The following SHTN1 variants were observed in gnomAD, a reference collection of about 807,000 sequenced individuals.
SHTN1 encodes shootin 1.
Under a neutral mutation model 83.1 loss-of-function variants are expected in SHTN1, and 42 were observed. The ratio of observed to expected loss-of-function variants is 0.51; its 90% confidence interval spans 0.39 to 0.65. The LOEUF is 0.65. SHTN1 is among the 30% of genes least tolerant of loss of function. The probability of loss-of-function intolerance (pLI) is 0.00; values close to 1 mark genes in which losing one functional copy is unlikely to be tolerated. For missense variants in SHTN1, 622 were observed against 737.8 expected (o/e 0.84, Z 1.82); for synonymous variants, 224 against 247.7 (o/e 0.90, Z 0.90).
At chr10:117,020,499 C>CAAA (rs375685514) in intron 2 of SHTN1, among the ~76,000 whole-genome samples, 8 of 109,414 alleles carry the variant, frequency 7.3e-5, no homozygotes, top group East Asian at 2.8e-4. Flanking sequence ...GACTCCGTCT[C>CAAA]AAAAAAAAAA....
At chr10:117,112,692 C>T (rs147939456) in intron 1 of SHTN1, among the ~76,000 whole-genome samples, 2 of 152,172 alleles carry the variant, frequency 1.3e-5, no homozygotes, top group African/African-American at 2.4e-5. Flanking sequence ...CCAGCCTAGA[C>T]GTATTTCCAC....
At chr10:116,902,893 T>C (rs1847802937) in intron 15 of SHTN1, among the ~76,000 whole-genome samples, 1 of 152,196 alleles carries the variant, frequency 6.6e-6, no homozygotes, top group African/African-American at 2.4e-5. Context: ...AAAGCACTAG[T>C]GGGTATAATC....
chr10:117,093,378 T>C (rs1049556089), intron 1 of SHTN1, among the ~76,000 whole-genome samples: 1 of 151,834 alleles, frequency 6.6e-6, no homozygotes, highest in South Asian at 2.1e-4. Context: ...TTATTATTAA[T>C]AACTTGAAAT....
intron 1 of SHTN1, among the ~76,000 whole-genome samples, chr10:116,994,736 G>A (rs1330422156): frequency 1.3e-5 from 2 of 152,070 alleles, no homozygotes; most frequent in Non-Finnish European, 2.9e-5. Context: ...ACAGTGACCT[G>A]TGATCCTATT....
At position 116,886,256 on chromosome 10, in the gene SHTN1, A is replaced by G. The variant is rs1480329132; in HGVS notation, c.*88T>C. On this transcript the variant is annotated 3_prime_UTR_variant, in exon 17 of 17. Coordinates refer to ENST00000355371, the MANE Select transcript of SHTN1 (RefSeq NM_001127211.3). Reference sequence around the variant, plus strand: ...ATTCTGAATACAGTGACCAGAGCAGAATGTCTACAGCCCTTGCCAATATAA... The same window carrying G: ...ATTCTGAATACAGTGACCAGAGCAGGATGTCTACAGCCCTTGCCAATATAA... The G allele has an allele frequency of 2.0e-6, 3 of 1,520,966 alleles. No individual in the cohort carries two copies. Among genetic ancestry groups the G allele is most frequent in the Non-Finnish European group, 2.7e-6 (3 of 1,125,664 alleles). The allele number at this position is 1,520,966 out of a possible 1,614,324, so 94.2% of individuals were successfully genotyped here.
At chr10:116,888,209 A>G (rs1847223100) in intron 16 of SHTN1, among the ~76,000 whole-genome samples, 1 of 152,140 alleles carries the variant, frequency 6.6e-6, no homozygotes, top group South Asian at 2.1e-4. Flanking sequence ...GCACCATGAC[A>G]TTGTCCATCT....
Position 116,968,689 on chromosome 10 carries a change from T to C in SHTN1, c.135A>G (p.Arg45=). The part of the protein sequence containing the change: ...KEKCDKIRQE[R]DEAVKKLEEF... ...CTTCCAGTTTTTTAACGGCTTCATCTCGTTCTTGCCTAATTTTGTCACACT... is the reference window on the plus strand; with the variant it reads ...CTTCCAGTTTTTTAACGGCTTCATCCCGTTCTTGCCTAATTTTGTCACACT... Residue 45 remains arginine, a synonymous_variant, in exon 3 of 17, where the codon CGA becomes CGG. Transcript: ENST00000355371. The C allele has an allele frequency of 6.2e-7, 1 of 1,612,436 alleles. No homozygotes were observed. Among genetic ancestry groups the C allele is most frequent in the East Asian group, 2.2e-5 (1 of 44,846 alleles).
At chr10:117,090,386 G>A (rs1379671834) in intron 1 of SHTN1, among the ~76,000 whole-genome samples, 4 of 152,122 alleles carry the variant, frequency 2.6e-5, no homozygotes, top group Non-Finnish European at 5.9e-5. Flanking sequence ...GTAGAATTTG[G>A]TCGTCAGGGG....
intron 1 of SHTN1, among the ~76,000 whole-genome samples, chr10:117,096,763 A>C (rs991058002): frequency 6.6e-6 from 1 of 152,202 alleles, no homozygotes; most frequent in African/African-American, 2.4e-5. Context: ...TTGTGTACAA[A>C]GATGTTAATT....
intron 1 of SHTN1, among the ~76,000 whole-genome samples, chr10:116,995,403 G>A (rs1040475354): frequency 3.9e-5 from 6 of 152,120 alleles, no homozygotes; most frequent in Non-Finnish European, 7.4e-5. Context: ...CATGATGAGG[G>A]ACTGTGATTT....
At chr10:116,955,387 C>T (rs1282385088) in intron 4 of SHTN1, among the ~76,000 whole-genome samples, 1 of 152,102 alleles carries the variant, frequency 6.6e-6, no homozygotes, top group Non-Finnish European at 1.5e-5. Context: ...GATTATTTTC[C>T]CTACTATAAA....
At chr10:117,065,539 G>A in intron 1 of SHTN1, among the ~76,000 whole-genome samples, 1 of 150,988 alleles carries the variant, frequency 6.6e-6, no homozygotes, top group South Asian at 2.1e-4. Flanking sequence ...CCAACATGGT[G>A]AAACCCCCTC....
chr10:117,047,824 C>G (rs766950909), intron 2 of SHTN1, among the ~76,000 whole-genome samples: 1 of 148,798 alleles, frequency 6.7e-6, no homozygotes, highest in African/African-American at 2.5e-5. Context: ...ACCATGTTGG[C>G]CAGACTGGTC....
intron 13 of SHTN1, among the ~76,000 whole-genome samples, chr10:116,914,537 C>G (rs1048729175): frequency 6.7e-6 from 1 of 148,890 alleles, no homozygotes; most frequent in Non-Finnish European, 1.5e-5. Context: ...CACTGGGGGA[C>G]GTTCACACGG....
intron 2 of SHTN1, among the ~76,000 whole-genome samples, chr10:117,038,976 C>T (rs1852544229): frequency 6.6e-6 from 1 of 152,164 alleles, no homozygotes. Context: ...TATGATCCAG[C>T]ATCGTCCTCT....
intron 1 of SHTN1, among the ~76,000 whole-genome samples, chr10:117,053,002 A>C (rs940236961): frequency 6.9e-6 from 1 of 145,652 alleles, no homozygotes; most frequent in African/African-American, 2.6e-5. Flanking sequence ...CCTGGGCAAC[A>C]GAGCAAGACT....
chr10:116,985,130 T>C (rs537984787), intron 1 of SHTN1, among the ~76,000 whole-genome samples: 1 of 152,364 alleles, frequency 6.6e-6, no homozygotes, highest in Admixed American at 6.5e-5. Context: ...CATTATAAAT[T>C]ATCTGTGCAC....
intron 1 of SHTN1, among the ~76,000 whole-genome samples, chr10:117,097,615 A>G (rs1397071106): frequency 6.6e-6 from 1 of 152,232 alleles, no homozygotes; most frequent in Non-Finnish European, 1.5e-5. Context: ...TTTGTCTGAT[A>G]AAAGCAGAAA....
chr10:117,035,814 C>T lies in SHTN1; in HGVS notation c.-123+12631G>A, dbSNP rs1196445862. Among the ~76,000 whole-genome samples, 5 of 29,866 alleles carry T rather than the reference C, an allele frequency of 1.7e-4. No individual in the cohort carries two copies. The South Asian group carries it at 5.7e-3, about 34-fold the overall frequency. 19.6% of individuals were successfully genotyped at this position (29,866 alleles called of 152,430 possible). A position where few individuals can be genotyped will look rare whatever the true frequency, so the allele number is the denominator to read the frequency against. On this transcript the variant is annotated intron_variant, in intron 2 of 17. Coordinates refer to the SHTN1 transcript ENST00000392901. ...TATAAAAATTAGCCGGGTGTGGTAG[C>T]ACATGCCTGTAAATCCCAGCTACTC...
Sources: allele counts gnomAD v4.1 joint callset (sites outside exome capture counted in the v4.1 genomes callset), GRCh38; gene constraint gnomAD v4.1.1; transcripts MANE v1.5; gene names NCBI Gene and HGNC (gene_info 2026-07-23, HGNC 2026-07-21).